LPP: variants seen among roughly 807,000 people sequenced by gnomAD.
LPP encodes LIM domain containing preferred translocation partner in lipoma.
In LPP, 38 loss-of-function variants were observed where a neutral mutation model predicts 60.4. That is an observed-to-expected ratio of 0.63 (90% CI 0.49 to 0.83). The LOEUF (loss-of-function observed/expected upper bound fraction) is 0.83, where lower values mean the gene tolerates loss of function less well. Among genes scored for constraint, LPP ranks in the 40% least tolerant of loss-of-function variants. The pLI, the probability that LPP is intolerant of heterozygous loss-of-function variation, is 0.00. For missense variants in LPP, 902 were observed against 783.6 expected, an observed-to-expected ratio of 1.15 and a Z score of -1.80; for synonymous variants, 328 against 290.8, an observed-to-expected ratio of 1.13 and a Z score of -1.30.
In LPP at chr3:188,217,730, G is replaced by A. The variant is rs1166314368; in HGVS notation, c.-189-7675G>A. Among the ~76,000 whole-genome samples, 2 of 152,082 alleles carry A rather than the reference G, an allele frequency of 1.3e-5. No homozygotes were observed. The highest frequency in any genetic ancestry group is 2.4e-5 in the African/African-American group (1 of 41,410). The stretch of plus-strand genomic sequence containing the variant: ...GATACTCAGAGGGAAATGAAAATAG[G>A]TGCCCTAGGGGGTTGCCCAGATAAG... On this transcript the variant is annotated intron_variant, in intron 1 of 11. Transcript: ENST00000617246. The surrounding 1 kb of genome is among the most constrained non-coding windows in gnomAD (Gnocchi z 4.0).
intron 7 of LPP, among the ~76,000 whole-genome samples, chr3:188,631,861 C>T (rs1016622159): frequency 4.6e-5 from 7 of 152,160 alleles, no homozygotes; most frequent in African/African-American, 1.7e-4. Flanking sequence ...TCCCATGACA[C>T]TCAGCTAAAT....
chr3:188,239,136 C>T (rs55779496), intron 2 of LPP, among the ~76,000 whole-genome samples: 5,998 of 152,264 alleles, frequency 0.039, 166 homozygotes, highest in Non-Finnish European at 0.062. Flanking sequence ...GTCCAGTTGC[C>T]GTGGGGTTTC....
chr3:188,853,162 A>G lies in LPP; in HGVS notation c.1411-13038A>G, dbSNP rs926760686. Reference sequence around the variant, plus strand: ...GGAGACTCTGTCTCAAAAAAAAAAAAGGTTAGCATTAGAAGTCAGGCAGCA... The same window carrying G: ...GGAGACTCTGTCTCAAAAAAAAAAAGGGTTAGCATTAGAAGTCAGGCAGCA... On this transcript the variant is annotated intron_variant, in intron 9 of 11. Coordinates refer to ENST00000617246, the MANE Select transcript of LPP (RefSeq NM_001375462.1). Among the ~76,000 whole-genome samples, 4 of 151,982 alleles carry G rather than the reference A, an allele frequency of 2.6e-5. No homozygotes were observed. The East Asian group carries it at 5.8e-4, about 22-fold the overall frequency.
At chr3:188,835,323 G>T (rs988406777) in intron 9 of LPP, among the ~76,000 whole-genome samples, 1 of 149,098 alleles carries the variant, frequency 6.7e-6, no homozygotes, top group African/African-American at 2.5e-5. Context: ...AAAAAAATCA[G>T]CTGGGCATGG....
chr3:188,587,376 A>G (rs187179138), intron 6 of LPP, among the ~76,000 whole-genome samples: 551 of 1,424 alleles, frequency 0.39, 248 homozygotes, highest in Admixed American at 0.56. Flanking sequence ...AAAAAAAAAA[A>G]AAAGAAAGTT....
At position 188,872,754 on chromosome 3, in the gene LPP, C is replaced by T. The variant is rs371651163; in HGVS notation, c.1701C>T (p.Tyr567=). The T allele has an allele frequency of 3.5e-5, 56 of 1,614,150 alleles. No homozygotes were observed. In the African/African-American group the frequency reaches 6.5e-4, roughly 19 times the overall value. ...ALDRDFHVHC[Y]RCEDCGGLLS... ...ATCGAGATTTCCATGTTCACTGCTACCGATGCGAGGTCTGGTTGACAGCCC... is the reference window on the plus strand; with the variant it reads ...ATCGAGATTTCCATGTTCACTGCTATCGATGCGAGGTCTGGTTGACAGCCC... Residue 567 remains tyrosine (Y), a synonymous_variant, in exon 11 of 12, where the codon TAC becomes TAT. Coordinates refer to ENST00000617246, the MANE Select transcript of LPP (RefSeq NM_001375462.1).
At chr3:188,634,404 T>C (rs918838117) in intron 7 of LPP, among the ~76,000 whole-genome samples, 3 of 152,222 alleles carry the variant, frequency 2.0e-5, no homozygotes, top group African/African-American at 7.2e-5. Flanking sequence ...GAATGAGGCC[T>C]GAAGTCATTT....
chr3:188,383,426 C>T (rs1777410080), intron 3 of LPP, among the ~76,000 whole-genome samples: 1 of 152,114 alleles, frequency 6.6e-6, no homozygotes, highest in Non-Finnish European at 1.5e-5. Flanking sequence ...TTCTCAATTT[C>T]CTCTGCTTTC....
At chr3:188,371,043 C>T (rs1772906910) in intron 3 of LPP, among the ~76,000 whole-genome samples, 1 of 152,024 alleles carries the variant, frequency 6.6e-6, no homozygotes. Flanking sequence ...ACTCTTGGAG[C>T]CCAAAGAAAC....
chr3:188,597,136 CCTT>C (rs1245101221), intron 6 of LPP, among the ~76,000 whole-genome samples: 3 of 152,278 alleles, frequency 2.0e-5, no homozygotes, highest in Admixed American at 6.5e-5. Context: ...CCTCTGAAGA[CCTT>C]CTCACTTTGG....
chr3:188,771,747 C>T (rs1484088041), intron 9 of LPP, among the ~76,000 whole-genome samples: 1 of 152,082 alleles, frequency 6.6e-6, no homozygotes, highest in African/African-American at 2.4e-5. Context: ...CAGTTAGACA[C>T]ATAACAAATC....
intron 5 of LPP, among the ~76,000 whole-genome samples, chr3:188,516,138 C>T (rs1476464223): frequency 1.3e-5 from 2 of 152,096 alleles, no homozygotes; most frequent in Non-Finnish European, 2.9e-5. Context: ...AAGTCCTCCT[C>T]CCCTGGAGAA....
At position 188,567,018 on chromosome 3, in the gene LPP, G is replaced by T. The variant is rs561305553; in HGVS notation, c.430-42143G>T. Among the ~76,000 whole-genome samples, 11 of 151,956 alleles carry T rather than the reference G, an allele frequency of 7.2e-5. No homozygotes were observed. In the South Asian group the frequency reaches 2.3e-3, roughly 31 times the overall value. ...GATGCAAATTATAAAAACTTGAAGA[G>T]TTTAAAATTGCTATCTTTCTACTTT... is the stretch of plus-strand genomic sequence containing the variant. On this transcript the variant is annotated intron_variant, in intron 6 of 11. Coordinates refer to ENST00000617246, the MANE Select transcript of LPP (RefSeq NM_001375462.1).
rs562154569 is a variant in LPP, at chr3:188,890,402, G to A, written c.*15923G>A. 4.9e-6 allele frequency: 1 copy of A among 202,090 alleles called. No individual in the cohort carries two copies. Among genetic ancestry groups the A allele is most frequent in the Non-Finnish European group, 1.0e-5 (1 of 98,324 alleles). The allele number at this position is 202,090 out of a possible 1,614,324, so 12.5% of individuals were successfully genotyped here. A position where few individuals can be genotyped will look rare whatever the true frequency, so the allele number is the denominator to read the frequency against. On this transcript the variant is annotated 3_prime_UTR_variant, in exon 12 of 12. Coordinates refer to ENST00000617246, the MANE Select transcript of LPP (RefSeq NM_001375462.1). ...CACTACATTACAAACCATCACTGAT[G>A]TATCCAAAATAGCACACATAGTTCA... is the stretch of plus-strand genomic sequence containing the variant.
At chr3:188,724,400 A>G (rs1717594812) in intron 8 of LPP, among the ~76,000 whole-genome samples, 1 of 152,056 alleles carries the variant, frequency 6.6e-6, no homozygotes, top group Non-Finnish European at 1.5e-5. Context: ...TTTTTCCTCT[A>G]CTTTCCTTGG....
intron 3 of LPP, among the ~76,000 whole-genome samples, chr3:188,364,322 T>A (rs1770463020): frequency 6.6e-6 from 1 of 152,246 alleles, no homozygotes; most frequent in South Asian, 2.1e-4. Context: ...TATCCCTGTC[T>A]TACTGTCTTT....
intron 6 of LPP, among the ~76,000 whole-genome samples, chr3:188,538,943 T>A (rs1322811823): frequency 1.3e-5 from 2 of 152,178 alleles, no homozygotes; most frequent in Non-Finnish European, 2.9e-5. Flanking sequence ...GACCACAGTT[T>A]ATGATTCCAT....
At chr3:188,691,038 TCAGTTTAAG>T (rs1279916152) in intron 7 of LPP, among the ~76,000 whole-genome samples, 1 of 152,234 alleles carries the variant, frequency 6.6e-6, no homozygotes, top group East Asian at 1.9e-4. Flanking sequence ...CTCCTGCCTG[TCAGTTTAAG>T]CTACTGTGTC....
chr3:188,218,165 G>T (rs191636139), intron 1 of LPP, among the ~76,000 whole-genome samples: 2 of 152,356 alleles, frequency 1.3e-5, no homozygotes, highest in East Asian at 3.9e-4. Flanking sequence ...GCCTCTCCTT[G>T]TCTTGAGGAC....
Sources: gnomAD v4.1 joint callset for allele counts (sites outside exome capture counted in the v4.1 genomes callset) on GRCh38, gnomAD v4.1.1 for gene constraint, Gnocchi (gnomAD v3.1) non-coding constraint, MANE v1.5 for transcripts, NCBI Gene and HGNC (gene_info 2026-07-23, HGNC 2026-07-21) for gene names.